Variants in RUFY2 observed in about 807,000 individuals in gnomAD.
RUFY2 encodes RUN and FYVE domain containing 2.
RUFY2 carries 49 observed loss-of-function variants against 94.4 expected under a neutral mutation model. The observed-to-expected ratio is 0.52, with a 90% CI of 0.41 to 0.66. The LOEUF is 0.66. Ranked by LOEUF, RUFY2 falls within the 30% of genes least tolerant of loss-of-function variation. The probability of loss-of-function intolerance (pLI) is 0.00; values close to 1 mark genes in which losing one functional copy is unlikely to be tolerated. For synonymous variants in RUFY2, 255 were observed against 235.7 expected, an observed-to-expected ratio of 1.08 and a Z score of -0.75; for missense variants, 541 against 692.8, an observed-to-expected ratio of 0.78 and a Z score of 2.46.
intron 12 of RUFY2, chr10:68,377,995 A>AC (rs1204434346): frequency 1.0e-6 from 1 of 985,270 alleles, no homozygotes; most frequent in Non-Finnish European, 1.2e-6. Flanking sequence ...CTGGGATTGG[A>AC]CCCAAGCTTT....
intron 2 of RUFY2, among the ~76,000 whole-genome samples, chr10:68,403,974 G>C (rs1279507273): frequency 6.6e-6 from 1 of 151,962 alleles, no homozygotes; most frequent in Non-Finnish European, 1.5e-5. Context: ...CACCGTGTCT[G>C]GCCAGTCAAG....
At chr10:68,341,759 A>G, downstream of RUFY2, 2 of 1,598,542 alleles carry the variant, frequency 1.3e-6, no homozygotes, top group Non-Finnish European at 1.7e-6. Context: ...CTTTTTAAAG[A>G]TAATCAGGGA....
At chr10:68,396,209 C>T (rs925693924) in intron 4 of RUFY2, among the ~76,000 whole-genome samples, 3 of 152,072 alleles carry the variant, frequency 2.0e-5, no homozygotes, top group East Asian at 1.9e-4. Context: ...ACGTTGGTCT[C>T]GAACTCCTGA....
intron 15 of RUFY2, among the ~76,000 whole-genome samples, chr10:68,358,881 A>G (rs2047236051): frequency 6.6e-6 from 1 of 152,112 alleles, no homozygotes; most frequent in Non-Finnish European, 1.5e-5. Flanking sequence ...ACTGCACTCC[A>G]GCCTGGGCGA....
At chr10:68,348,762 G>A (rs2046455390) in intron 16 of RUFY2, among the ~76,000 whole-genome samples, 2 of 152,158 alleles carry the variant, frequency 1.3e-5, no homozygotes, top group Admixed American at 1.3e-4. Flanking sequence ...TAAGCCTAGT[G>A]TGTCCCTGTG....
intron 6 of RUFY2, among the ~76,000 whole-genome samples, chr10:68,393,553 C>T (rs1189969154): frequency 3.3e-5 from 5 of 151,990 alleles, no homozygotes; most frequent in Admixed American, 6.6e-5. Flanking sequence ...CGTGGTGAAA[C>T]CCTGTCTCTA....
intron 15 of RUFY2, among the ~76,000 whole-genome samples, chr10:68,357,899 A>G (rs1281198171): frequency 1.3e-5 from 2 of 152,176 alleles, no homozygotes; most frequent in South Asian, 2.1e-4. Context: ...TAAAATTACA[A>G]TGACTAGTTC....
Position 68,394,456 on chromosome 10 carries a change from G to T in RUFY2, c.399-5C>A, listed in dbSNP as rs2050226945. ...GCGTGATACTCATAAAACTCACTGT[G>T]AAAATTTAAAAAATAAGGACTTTAA... On this transcript the variant is annotated splice_polypyrimidine_tract_variant and splice_region_variant and intron_variant, in intron 4 of 17. Transcript: ENST00000602465. 6.2e-7 allele frequency: 1 copy of T among 1,600,162 alleles called. No individual in the cohort carries two copies. Among genetic ancestry groups the T allele is most frequent in the East Asian group, 2.2e-5 (1 of 44,752 alleles).
chr10:68,405,936 AGATAT>A (rs2051259364), intron 1 of RUFY2, among the ~76,000 whole-genome samples: 1 of 152,220 alleles, frequency 6.6e-6, no homozygotes, highest in Admixed American at 6.5e-5. Context: ...TCATCAAGTA[AGATAT>A]TTTCAATTCA....
At chr10:68,399,635 C>A (rs2050661970) in intron 3 of RUFY2, among the ~76,000 whole-genome samples, 1 of 152,182 alleles carries the variant, frequency 6.6e-6, no homozygotes, top group Admixed American at 6.5e-5. Flanking sequence ...ACCATATTCC[C>A]CACAACATAT....
At chr10:68,401,308 G>A (rs183902226) in intron 3 of RUFY2, among the ~76,000 whole-genome samples, 211 of 152,100 alleles carry the variant, frequency 1.4e-3, no homozygotes, top group African/African-American at 4.9e-3. Flanking sequence ...TTCTACTACA[G>A]GCAAACTAAT....
rs184008062 is a variant in RUFY2 at position 68,368,573 on chromosome 10, C to T, written c.1326-4460G>A. 5.6e-3 allele frequency among the ~76,000 whole-genome samples: 855 copies of T among 151,904 alleles called. 9 individuals carry two copies. Among genetic ancestry groups the T allele is most frequent in the African/African-American group, 0.019 (773 of 41,458 alleles). On this transcript the variant is annotated intron_variant, in intron 13 of 17. Transcript: ENST00000602465. ...ACTTGGGAGGCTGAGGCAGGAGAAT[C>T]GCTTGAACCCGGGAGGCGGAGGTTG...
At chr10:68,388,978 A>T (rs968423462) in intron 7 of RUFY2, among the ~76,000 whole-genome samples, 5 of 152,148 alleles carry the variant, frequency 3.3e-5, no homozygotes, top group African/African-American at 1.2e-4. Flanking sequence ...GTGTAGCCTC[A>T]ACCTCCAGAG....
intron 1 of RUFY2, 44 bp downstream of exon 1, chr10:68,407,142 C>T: frequency 2.7e-6 from 4 of 1,508,938 alleles, no homozygotes; most frequent in Non-Finnish European, 2.6e-6. Flanking sequence ...GCCCTCAGCC[C>T]GGGACTGAGG....
intron 13 of RUFY2, among the ~76,000 whole-genome samples, chr10:68,365,955 G>T (rs2047779701): frequency 6.6e-6 from 1 of 152,086 alleles, no homozygotes; most frequent in African/African-American, 2.4e-5. Flanking sequence ...AAAAGCAAAG[G>T]AAAATTTTGT....
chr10:68,353,573 G>A (rs2046845563), intron 16 of RUFY2, among the ~76,000 whole-genome samples: 1 of 151,898 alleles, frequency 6.6e-6, no homozygotes, highest in South Asian at 2.1e-4. Context: ...GCCAAGACTG[G>A]AGGACTGCCC....
intron 7 of RUFY2, among the ~76,000 whole-genome samples, chr10:68,391,631 G>A (rs1162870465): frequency 1.4e-5 from 2 of 138,722 alleles, no homozygotes; most frequent in East Asian, 4.3e-4. Flanking sequence ...TCCAGCCTGG[G>A]CAACAGAGTG....
chr10:68,376,449 TATATATATATATATA>T (rs2048658147), intron 13 of RUFY2, among the ~76,000 whole-genome samples: 1 of 11,322 alleles, frequency 8.8e-5, no homozygotes, highest in Non-Finnish European at 1.9e-4. Flanking sequence ...TGTGTATATA[TATATATATATATATA>T]TATATATATA....
At chr10:68,375,662 G>T (rs1356009306) in intron 13 of RUFY2, among the ~76,000 whole-genome samples, 1 of 151,810 alleles carries the variant, frequency 6.6e-6, no homozygotes, top group Admixed American at 6.6e-5. Flanking sequence ...TGTAGTCCCA[G>T]CTACTCAGGA....
Sources: allele counts gnomAD v4.1 joint callset (sites outside exome capture counted in the v4.1 genomes callset), GRCh38; gene constraint gnomAD v4.1.1; transcripts MANE v1.5; gene names NCBI Gene and HGNC (gene_info 2026-07-23, HGNC 2026-07-21).